The following RREB1 variants were observed in gnomAD, a reference collection of about 807,000 sequenced individuals.
The protein encoded by RREB1 is ras responsive element binding protein 1.
Under a neutral mutation model 117.8 loss-of-function variants are expected in RREB1, and 27 were observed. That is an observed-to-expected ratio of 0.23 (90% confidence interval 0.17 to 0.32). RREB1 has a LOEUF of 0.32. Ranked by LOEUF, RREB1 falls within the 10% of genes least tolerant of loss-of-function variation. RREB1 has a pLI of 1.00. For missense variants in RREB1, 2,577 were observed against 2,378.2 expected (o/e 1.08, Z -1.74); for synonymous variants, 1,298 against 1,026.7 (o/e 1.26, Z -5.05).
chr6:7,147,155 C>G (rs1762905451), intron 1 of RREB1, among the ~76,000 whole-genome samples: 1 of 152,200 alleles, frequency 6.6e-6, no homozygotes. Context: ...CCTCTGAAGC[C>G]TGCTTCACCT....
Position 7,211,338 on chromosome 6 carries a change from A to AGATGGATGGATGGATGGATG in RREB1, c.571-201_571-182dup, listed in dbSNP as rs555086914. Among the ~76,000 whole-genome samples the AGATGGATGGATGGATGGATG allele has an allele frequency of 3.3e-3, 387 of 118,668 alleles. 1 individual carries two copies. The highest frequency in any genetic ancestry group is 0.017 in the Middle Eastern group (4 of 242). The allele number at this position is 118,668 out of a possible 152,430, so 77.9% of individuals were successfully genotyped here. A position where few individuals can be genotyped will look rare whatever the true frequency, so the allele number is the denominator to read the frequency against. On this transcript the variant is annotated intron_variant, in intron 7 of 12. Transcript: ENST00000379938. Reference sequence around the variant, plus strand: ...AGGGTGGGTGGATGGATGGATGGACAGATGGATGGATGGATGGATGGATGG... The same window carrying AGATGGATGGATGGATGGATG: ...AGGGTGGGTGGATGGATGGATGGACAGATGGATGGATGGATGGATGGATGGATGGATGGATGGATGGATGG...
intron 11 of RREB1, among the ~76,000 whole-genome samples, chr6:7,245,643 C>G (rs915123031): frequency 1.3e-5 from 2 of 152,128 alleles, no homozygotes; most frequent in Admixed American, 1.3e-4. Flanking sequence ...CAGATAGGAA[C>G]AAATCAAGAG....
At chr6:7,152,527 G>A (rs1763170329) in intron 1 of RREB1, among the ~76,000 whole-genome samples, 1 of 152,154 alleles carries the variant, frequency 6.6e-6, no homozygotes. Context: ...TCTCAAGTTT[G>A]ATTTTACAGC....
At chr6:7,108,845 C>T (rs1334220431) in intron 1 of RREB1, 1 of 151,856 alleles carries the variant, frequency 6.6e-6, no homozygotes, top group Admixed American at 6.6e-5. Flanking sequence ...GCGGGCAGCC[C>T]CGCGCCCTCG....
intron 1 of RREB1, among the ~76,000 whole-genome samples, chr6:7,145,191 A>T (rs1245257738): frequency 6.6e-6 from 1 of 152,196 alleles, no homozygotes; most frequent in African/African-American, 2.4e-5. Flanking sequence ...TTCCAAGAGC[A>T]GTTTTCTCAG....
intron 9 of RREB1, 30 bp from the exon 10 acceptor site, chr6:7,228,967 C>G: frequency 6.8e-7 from 1 of 1,478,466 alleles, no homozygotes; most frequent in Non-Finnish European, 9.0e-7. Context: ...CACATGTGTT[C>G]CCTTGCTTTT....
chr6:7,242,362 A>G (rs533876976), intron 11 of RREB1, among the ~76,000 whole-genome samples: 24 of 152,302 alleles, frequency 1.6e-4, no homozygotes, highest in Non-Finnish European at 2.6e-4. Flanking sequence ...CCAAATCCCA[A>G]CAAAGCCCTT....
chr6:7,110,435 C>T (rs899190173), intron 1 of RREB1, among the ~76,000 whole-genome samples: 6 of 151,850 alleles, frequency 4.0e-5, no homozygotes, highest in Admixed American at 1.3e-4. Flanking sequence ...TCGAGCTACT[C>T]TACAAGTAAT....
chr6:7,126,760 A>G (rs555730616), intron 1 of RREB1, among the ~76,000 whole-genome samples: 8 of 152,144 alleles, frequency 5.3e-5, no homozygotes, highest in Non-Finnish European at 8.8e-5. Context: ...CTTTTTTCCC[A>G]TCTGTGGAAT....
chr6:7,173,076 T>A (rs775407909), intron 1 of RREB1, among the ~76,000 whole-genome samples: 40 of 152,172 alleles, frequency 2.6e-4, no homozygotes, highest in Non-Finnish European at 4.6e-4. Context: ...ATAGTATGGA[T>A]CAGCCATCCC....
intron 1 of RREB1, among the ~76,000 whole-genome samples, chr6:7,126,159 A>G (rs145256048): frequency 6.3e-4 from 95 of 151,810 alleles, no homozygotes; most frequent in Middle Eastern, 3.4e-3. Context: ...GCACCACCAC[A>G]CCCAGCTAAT....
chr6:7,132,685 A>T (rs1762201059), intron 1 of RREB1, among the ~76,000 whole-genome samples: 1 of 152,208 alleles, frequency 6.6e-6, no homozygotes, highest in Non-Finnish European at 1.5e-5. Context: ...CTTCACACAC[A>T]GATCTTTTTT....
intron 1 of RREB1, among the ~76,000 whole-genome samples, chr6:7,159,541 G>A (rs939557423): frequency 5.3e-5 from 8 of 152,158 alleles, no homozygotes; most frequent in African/African-American, 1.7e-4. Flanking sequence ...TTGATTTAAC[G>A]AATGTTCACT....
chr6:7,186,228 G>A (rs997475818), intron 4 of RREB1, among the ~76,000 whole-genome samples: 1 of 152,194 alleles, frequency 6.6e-6, no homozygotes, highest in African/African-American at 2.4e-5. Context: ...GCTTGCCGAG[G>A]TGCAAGCCTC....
Position 7,246,477 on chromosome 6 carries a change from A to G in RREB1, c.4027A>G (p.Thr1343Ala), listed in dbSNP as rs1270063489. 2 of 1,537,818 alleles carry G rather than the reference A, an allele frequency of 1.3e-6. No individual in the cohort carries two copies. Among genetic ancestry groups the G allele is most frequent in the Non-Finnish European group, 1.8e-6 (2 of 1,140,718 alleles). ...CGCCGCGGGCGAAGTGCTAGACCTC[A>G]CCTCACGGGACAGAGAGCAGCCGTC... is the stretch of plus-strand genomic sequence containing the variant. ...AAAAGEVLDL[T>A]SRDREQPSEG... The change falls in exon 12 of 13, where the codon ACC becomes GCC. Residue 1343 changes from threonine to alanine, a missense_variant. Transcript: ENST00000379938.
At chr6:7,113,133 TCCGGGGA>T (rs1352727787) in intron 1 of RREB1, among the ~76,000 whole-genome samples, 2 of 116,560 alleles carry the variant, frequency 1.7e-5, no homozygotes, top group Non-Finnish European at 4.4e-5. Flanking sequence ...CTCTGTGAAG[TCCGGGGA>T]CTGGGGACTG....
At chr6:7,200,234 ATGTGTGTATATGTGTGTGTG>A (rs1220796046) in intron 6 of RREB1, among the ~76,000 whole-genome samples, 20 of 125,196 alleles carry the variant, frequency 1.6e-4, no homozygotes, top group Admixed American at 9.3e-4. Flanking sequence ...ATATATATGT[ATGTGTGTATATGTGTGTGTG>A]TGTGTGTGTG....
intron 6 of RREB1, among the ~76,000 whole-genome samples, chr6:7,200,229 T>C (rs754538221): frequency 6.7e-6 from 1 of 149,132 alleles, no homozygotes; most frequent in Non-Finnish European, 1.5e-5. Flanking sequence ...TATATATATA[T>C]ATGTATGTGT....
In RREB1 at chr6:7,221,344, A is replaced by AT. The variant is rs369038114; in HGVS notation, c.708-5114dup. Reference sequence around the variant, plus strand: ...CCACTGCGCCCGGCTAATTTTTTGTATTTTTTTTTAGTAGAGACGGGGTTT... The same window carrying AT: ...CCACTGCGCCCGGCTAATTTTTTGTATTTTTTTTTTAGTAGAGACGGGGTTT... On this transcript the variant is annotated intron_variant, in intron 8 of 12. Transcript: ENST00000379938. Among the ~76,000 whole-genome samples, 497 of 149,424 alleles carry AT rather than the reference A, an allele frequency of 3.3e-3. 4 individuals are homozygous for AT. The highest frequency in any genetic ancestry group is 0.011 in the African/African-American group (462 of 40,676).
Sources: gnomAD v4.1 joint callset for allele counts (sites outside exome capture counted in the v4.1 genomes callset) on GRCh38, gnomAD v4.1.1 for gene constraint, MANE v1.5 for transcripts, NCBI Gene and HGNC (gene_info 2026-07-23, HGNC 2026-07-21) for gene names.